The following SUGCT variants were observed in gnomAD, a reference collection of about 807,000 sequenced individuals.
SUGCT encodes the protein succinyl-CoA:glutarate CoA-transferase.
A neutral mutation model predicts 55.0 loss-of-function variants in SUGCT; 41 were observed. The ratio of observed to expected loss-of-function variants is 0.74; its 90% CI spans 0.58 to 0.97. The LOEUF is 0.97. Ranked by LOEUF, SUGCT falls within the 50% of genes least tolerant of loss-of-function variation. The probability of loss-of-function intolerance (pLI) is 0.00; values close to 1 mark genes in which losing one functional copy is unlikely to be tolerated. For missense variants in SUGCT, 568 were observed against 547.8 expected, an observed-to-expected ratio of 1.04 and a Z score of -0.37; for synonymous variants, 187 against 200.4, an observed-to-expected ratio of 0.93 and a Z score of 0.56.
chr7:40,781,420 C>T (rs754385422), intron 13 of SUGCT, among the ~76,000 whole-genome samples: 25 of 152,250 alleles, frequency 1.6e-4, no homozygotes, highest in East Asian at 7.7e-4. Context: ...ACTGGGAATG[C>T]GGCTGGCCTG....
chr7:40,571,120 G>A (rs17171735), intron 12 of SUGCT, among the ~76,000 whole-genome samples: 6,346 of 151,864 alleles, frequency 0.042, 434 homozygotes, highest in African/African-American at 0.15. Context: ...CATAAAGGCC[G>A]TTTCAGTTTG....
intron 12 of SUGCT, among the ~76,000 whole-genome samples, chr7:40,663,507 G>C (rs1801442702): frequency 6.6e-6 from 1 of 151,358 alleles, no homozygotes; most frequent in Non-Finnish European, 1.5e-5. Context: ...GTGTGTGTGT[G>C]TGTGTGTGTG....
chr7:40,916,477 G>A, the SUGCT span, among the ~76,000 whole-genome samples: 5 of 152,168 alleles, frequency 3.3e-5, no homozygotes, highest in African/African-American at 7.2e-5. Context: ...CTGACATCTT[G>A]TGAGGATGAA....
At chr7:40,415,092 C>CTATT in intron 9 of SUGCT, among the ~76,000 whole-genome samples, 1 of 144,466 alleles carries the variant, frequency 6.9e-6, no homozygotes, top group African/African-American at 2.6e-5. Flanking sequence ...ATCTATCTAT[C>CTATT]TATCTATCTA....
chr7:40,380,775 A>C (rs990692914), intron 9 of SUGCT, among the ~76,000 whole-genome samples: 14 of 152,154 alleles, frequency 9.2e-5, no homozygotes, highest in African/African-American at 3.4e-4. Flanking sequence ...TAGTTTGCTT[A>C]CTTTCTTAAT....
intron 9 of SUGCT, among the ~76,000 whole-genome samples, chr7:40,369,937 C>G (rs1023318980): frequency 6.6e-6 from 1 of 152,020 alleles, no homozygotes; most frequent in Non-Finnish European, 1.5e-5. Context: ...CCCTAGTGCT[C>G]GTGGGGAATG....
At chr7:40,413,758 T>G (rs1395832548) in intron 9 of SUGCT, among the ~76,000 whole-genome samples, 3 of 152,070 alleles carry the variant, frequency 2.0e-5, no homozygotes, top group African/African-American at 7.2e-5. Flanking sequence ...ACAAGCAACA[T>G]TGATGTGATC....
chr7:40,714,939 T>C (rs1163258072), intron 12 of SUGCT, among the ~76,000 whole-genome samples: 2 of 152,312 alleles, frequency 1.3e-5, no homozygotes, highest in Middle Eastern at 3.4e-3. Context: ...CCTGTTTAAA[T>C]GTAGAAATAT....
chr7:40,444,145 G>T (rs1788677654), intron 9 of SUGCT, among the ~76,000 whole-genome samples: 1 of 152,204 alleles, frequency 6.6e-6, no homozygotes, highest in South Asian at 2.1e-4. Context: ...GTAGTTTGAA[G>T]TCAGGTAGCG....
the SUGCT span, among the ~76,000 whole-genome samples, chr7:40,894,166 A>C: frequency 2.0e-5 from 3 of 152,196 alleles, no homozygotes; most frequent in African/African-American, 7.2e-5. Context: ...AGAGTCCAGA[A>C]ATAATCCTGC....
chr7:40,645,862 G>A (rs917249830), intron 12 of SUGCT, among the ~76,000 whole-genome samples: 2 of 152,148 alleles, frequency 1.3e-5, no homozygotes, highest in Non-Finnish European at 2.9e-5. Context: ...GTCTCACAAG[G>A]CAGTTCCAAT....
intron 12 of SUGCT, among the ~76,000 whole-genome samples, chr7:40,663,314 A>G (rs1247326029): frequency 6.6e-6 from 1 of 151,744 alleles, no homozygotes; most frequent in African/African-American, 2.4e-5. Context: ...AAATCTGGAA[A>G]GTCTGGGAAA....
intron 12 of SUGCT, among the ~76,000 whole-genome samples, chr7:40,680,904 A>G (rs1784207797): frequency 6.6e-6 from 1 of 152,172 alleles, no homozygotes; most frequent in Non-Finnish European, 1.5e-5. Flanking sequence ...CACACTTAAC[A>G]TTAGGAAAAT....
chr7:40,979,028 T>C, the SUGCT span, among the ~76,000 whole-genome samples: 1 of 152,194 alleles, frequency 6.6e-6, no homozygotes, highest in East Asian at 1.9e-4. Context: ...TGTACCTTCC[T>C]GATTGGGAGT....
intron 9 of SUGCT, among the ~76,000 whole-genome samples, chr7:40,367,035 A>T (rs574889647): frequency 9.9e-5 from 15 of 152,164 alleles, no homozygotes; most frequent in Non-Finnish European, 2.1e-4. Context: ...ACAATGATAG[A>T]CTGGTTTAAG....
chr7:40,892,827 T>C, the SUGCT span, among the ~76,000 whole-genome samples: 2 of 152,224 alleles, frequency 1.3e-5, no homozygotes, highest in African/African-American at 4.8e-5. Flanking sequence ...CATGAGCCAC[T>C]GTTCCCAGAC....
chr7:40,957,650 G>T, the SUGCT span, among the ~76,000 whole-genome samples: 1 of 151,658 alleles, frequency 6.6e-6, no homozygotes, highest in Admixed American at 6.6e-5. Context: ...TACATTTAAG[G>T]TTAATATTGT....
At chr7:40,796,552 C>T (rs988239620) in intron 13 of SUGCT, among the ~76,000 whole-genome samples, 5 of 152,224 alleles carry the variant, frequency 3.3e-5, no homozygotes, top group African/African-American at 1.2e-4. Flanking sequence ...TGTATTATCA[C>T]ATCGGGACCC....
intron 13 of SUGCT, chr7:40,775,775 A>G (rs1021080560): frequency 1.3e-5 from 2 of 152,142 alleles, no homozygotes; most frequent in African/African-American, 4.8e-5. Flanking sequence ...TATAGGTGCA[A>G]TCTTTGAAAT....
Sources: gnomAD v4.1 joint callset for allele counts (sites outside exome capture counted in the v4.1 genomes callset) on GRCh38, gnomAD v4.1.1 for gene constraint, MANE v1.5 for transcripts, NCBI Gene and HGNC (gene_info 2026-07-23, HGNC 2026-07-21) for gene names.